The following CACNA1C variants were observed in gnomAD, a reference collection of about 807,000 sequenced individuals.
CACNA1C encodes voltage-dependent L-type calcium channel subunit alpha-1C.
Under a neutral mutation model 229.0 loss-of-function variants are expected in CACNA1C, and 30 were observed. The ratio of observed to expected loss-of-function variants is 0.13; its 90% confidence interval spans 0.10 to 0.18. CACNA1C has a LOEUF of 0.18. Among genes scored for constraint, CACNA1C ranks in the 10% least tolerant of loss-of-function variants. The probability of loss-of-function intolerance (pLI) is 1.00; values close to 1 mark genes in which losing one functional copy is unlikely to be tolerated. For synonymous variants in CACNA1C, 1,114 were observed against 1,132.5 expected (o/e 0.98, Z 0.33); for missense variants, 1,658 against 2,845.0 (o/e 0.58, Z 9.49).
In CACNA1C at chr12:1,971,365, A is replaced by G. The variant is rs537520684; in HGVS notation, c.139+164A>G. ...GTTGTAAAATTTTGCCTGTAACTGC[A>G]CTATCCTGGTTTATGCCGTTCTTTG... On this transcript the variant is annotated intron_variant, in intron 1 of 46. Transcript: ENST00000682462. This position sits in a 1 kb window ranked among gnomAD's most constrained non-coding sequence, Gnocchi z 4.2. Among the ~76,000 whole-genome samples the G allele has an allele frequency of 1.3e-5, 2 of 152,340 alleles. No homozygotes were observed. Among genetic ancestry groups the G allele is most frequent in the South Asian group, 4.1e-4 (2 of 4,832 alleles).
At chr12:2,336,729 G>A (rs2096707773) in intron 3 of CACNA1C, among the ~76,000 whole-genome samples, 1 of 152,106 alleles carries the variant, frequency 6.6e-6, no homozygotes, top group Non-Finnish European at 1.5e-5. Flanking sequence ...CAACCCCCTG[G>A]CTACTTCCTC....
At chr12:2,548,776 G>A (rs74053810) in intron 9 of CACNA1C, among the ~76,000 whole-genome samples, 5,382 of 152,222 alleles carry the variant, frequency 0.035, 300 homozygotes, top group African/African-American at 0.12. Context: ...CATTATCCAT[G>A]CAACCAGTAA....
chr12:2,384,749 A>G (rs964151334), intron 3 of CACNA1C, among the ~76,000 whole-genome samples: 1 of 152,208 alleles, frequency 6.6e-6, no homozygotes, highest in South Asian at 2.1e-4. Context: ...TAGTACCAGT[A>G]GAGGCACTGC....
At position 2,257,394 on chromosome 12, in the gene CACNA1C, T is replaced by C. The variant is rs563338949; in HGVS notation, c.477+136964T>C. On this transcript the variant is annotated intron_variant, in intron 3 of 46. Transcript: ENST00000399655. The stretch of plus-strand genomic sequence containing the variant: ...AGTTTCGTGGAAGACAATTTTTCCA[T>C]GGAGGACCGAGAGGGGATGGTTTTG... Among the ~76,000 whole-genome samples the C allele has an allele frequency of 1.3e-4, 20 of 152,320 alleles. No homozygotes were observed. In the East Asian group the frequency reaches 3.9e-3, roughly 29 times the overall value.
chr12:2,182,582 A>G (rs1470451184), intron 3 of CACNA1C, among the ~76,000 whole-genome samples: 2 of 152,086 alleles, frequency 1.3e-5, no homozygotes, highest in African/African-American at 4.8e-5. Context: ...TGAAGCTTTT[A>G]TAGGGAGAAG....
chr12:1,984,008 T>G (rs2036919581), intron 1 of CACNA1C, among the ~76,000 whole-genome samples: 3 of 152,126 alleles, frequency 2.0e-5, no homozygotes, highest in Admixed American at 1.3e-4. Flanking sequence ...TAATTTTCAT[T>G]GTTCTGACAT....
At chr12:2,577,062 C>T (rs1242015229) in intron 13 of CACNA1C, among the ~76,000 whole-genome samples, 2 of 152,264 alleles carry the variant, frequency 1.3e-5, no homozygotes, top group African/African-American at 4.8e-5. Flanking sequence ...AGCCTGCCCC[C>T]TTTATCCTGC....
At chr12:2,681,379 C>A (rs775243180) in intron 42 of CACNA1C, among the ~76,000 whole-genome samples, 2 of 152,224 alleles carry the variant, frequency 1.3e-5, no homozygotes, top group Non-Finnish European at 2.9e-5. Flanking sequence ...GCAGATGGTA[C>A]AAACAACACA....
At chr12:2,378,811 T>TTCCTTCCG (rs1334178364) in intron 3 of CACNA1C, among the ~76,000 whole-genome samples, 31 of 139,350 alleles carry the variant, frequency 2.2e-4, no homozygotes, top group Non-Finnish European at 4.4e-4. Flanking sequence ...CCTTCCTTCC[T>TTCCTTCCG]TCCTTCCTCT....
In CACNA1C at chr12:2,369,142, A is replaced by G. The variant is rs181980382; in HGVS notation, c.478-79834A>G. Among the ~76,000 whole-genome samples the G allele has an allele frequency of 4.6e-5, 7 of 152,358 alleles. No homozygotes were observed. In the East Asian group the frequency reaches 1.3e-3, roughly 29 times the overall value. On this transcript the variant is annotated intron_variant, in intron 3 of 46. Coordinates refer to ENST00000399655, the MANE Select transcript of CACNA1C (RefSeq NM_000719.7). ...GGCAGAAGAAAATTTGCATCCTCCT[A>G]TGTGTCTCCAAAGTAGCATATACTG...
chr12:2,490,371 A>T (rs2099716600), intron 6 of CACNA1C, among the ~76,000 whole-genome samples: 1 of 152,248 alleles, frequency 6.6e-6, no homozygotes, highest in East Asian at 1.9e-4. Context: ...CTGTCAGATG[A>T]GTGGTCCCAA....
At chr12:2,299,042 T>C (rs1280329953) in intron 3 of CACNA1C, among the ~76,000 whole-genome samples, 1 of 152,226 alleles carries the variant, frequency 6.6e-6, no homozygotes, top group Non-Finnish European at 1.5e-5. Flanking sequence ...TTTAGTGTTA[T>C]TAGTTTTAAA....
chr12:2,423,339 G>C (rs2098996734), intron 3 of CACNA1C, among the ~76,000 whole-genome samples: 1 of 152,170 alleles, frequency 6.6e-6, no homozygotes, highest in Admixed American at 6.5e-5. Context: ...TTAAAGCTAA[G>C]TAAAGGCCAA....
intron 1 of CACNA1C, among the ~76,000 whole-genome samples, chr12:2,027,712 T>C (rs1268654441): frequency 6.6e-6 from 1 of 152,224 alleles, no homozygotes; most frequent in African/African-American, 2.4e-5. Flanking sequence ...AGGGACTCAC[T>C]CTCTCCCTGA....
intron 9 of CACNA1C, among the ~76,000 whole-genome samples, chr12:2,524,900 T>C (rs2239111): frequency 0.41 from 62,808 of 152,186 alleles, 14,604 homozygotes; most frequent in African/African-American, 0.63. Context: ...AGGACAGTGT[T>C]CCTGCTGCAG....
rs115382301 is a variant in CACNA1C, at chr12:2,467,900, G to A, written c.757+10194G>A. On this transcript the variant is annotated intron_variant, in intron 5 of 46. Coordinates refer to ENST00000399655, the MANE Select transcript of CACNA1C (RefSeq NM_000719.7). This position sits in a 1 kb window ranked among gnomAD's most constrained non-coding sequence, Gnocchi z 4.6. Reference sequence around the variant, plus strand: ...GTTGCCCTGCCAGGTGCTTTGCCTCGGTTTCTCAATCTACAAAGAGTGAGT... The same window carrying A: ...GTTGCCCTGCCAGGTGCTTTGCCTCAGTTTCTCAATCTACAAAGAGTGAGT... Among the ~76,000 whole-genome samples, 1,356 of 152,306 alleles carry A rather than the reference G, an allele frequency of 8.9e-3. 21 individuals are homozygous for A. Among genetic ancestry groups the A allele is most frequent in the African/African-American group, 0.031 (1,291 of 41,564 alleles).
At chr12:2,001,135 T>C (rs796215262) in intron 1 of CACNA1C, among the ~76,000 whole-genome samples, 2 of 152,332 alleles carry the variant, frequency 1.3e-5, no homozygotes, top group African/African-American at 4.8e-5. Flanking sequence ...AAAGAGACTT[T>C]GAAAATATAC....
intron 13 of CACNA1C, among the ~76,000 whole-genome samples, chr12:2,572,047 T>C (rs1406404284): frequency 1.3e-5 from 2 of 151,386 alleles, no homozygotes; most frequent in Non-Finnish European, 2.9e-5. Flanking sequence ...CTTTTTTTTT[T>C]TTTTTTTTTT....
intron 3 of CACNA1C, among the ~76,000 whole-genome samples, chr12:2,418,973 C>T (rs1326283766): frequency 6.6e-6 from 1 of 152,166 alleles, no homozygotes; most frequent in Non-Finnish European, 1.5e-5. Flanking sequence ...CAAATGTGTA[C>T]ATGCAGCACT....
Sources: gnomAD v4.1 joint callset for allele counts (sites outside exome capture counted in the v4.1 genomes callset) on GRCh38, gnomAD v4.1.1 for gene constraint, Gnocchi (gnomAD v3.1) non-coding constraint, MANE v1.5 for transcripts, NCBI Gene and HGNC (gene_info 2026-07-23, HGNC 2026-07-21) for gene names.